The following TASP1 variants were observed in gnomAD, a reference collection of about 807,000 sequenced individuals.
TASP1 encodes the protein threonine aspartase 1.
A neutral mutation model predicts 56.6 loss-of-function variants in TASP1; 16 were observed. The ratio of observed to expected loss-of-function variants is 0.28; its 90% CI spans 0.19 to 0.43. The LOEUF is 0.43. Ranked by LOEUF, TASP1 falls within the 20% of genes least tolerant of loss-of-function variation. The pLI, the probability that TASP1 is intolerant of heterozygous loss-of-function variation, is 1.00. For synonymous variants in TASP1, 179 were observed against 184.2 expected (o/e 0.97, Z 0.23); for missense variants, 393 against 511.6 (o/e 0.77, Z 2.24).
chr20:13,423,052 A>T (rs1402870545), intron 12 of TASP1, among the ~76,000 whole-genome samples: 2 of 152,252 alleles, frequency 1.3e-5, no homozygotes, highest in Admixed American at 6.5e-5. Context: ...TATATATATA[A>T]AATAACATAT....
intron 13 of TASP1, among the ~76,000 whole-genome samples, chr20:13,416,874 C>T (rs6109872): frequency 0.092 from 14,046 of 152,254 alleles, 1,240 homozygotes; most frequent in African/African-American, 0.23. Flanking sequence ...GTGATTATTG[C>T]AACTCACTGA....
the TASP1 span, among the ~76,000 whole-genome samples, chr20:13,342,070 G>C: frequency 6.6e-6 from 1 of 152,208 alleles, no homozygotes; most frequent in Non-Finnish European, 1.5e-5. Context: ...GGTATAGCAG[G>C]CGAGGAACTA....
chr20:13,274,783 C>T, the TASP1 span, among the ~76,000 whole-genome samples: 5 of 152,108 alleles, frequency 3.3e-5, no homozygotes, highest in African/African-American at 1.2e-4. Flanking sequence ...CAGGCAGCCT[C>T]GGTCCCAAGT....
At chr20:13,323,052 G>A in the TASP1 span, among the ~76,000 whole-genome samples, 5 of 152,020 alleles carry the variant, frequency 3.3e-5, no homozygotes, top group African/African-American at 7.2e-5. Flanking sequence ...TGCATACTCT[G>A]GGGGAAGACA....
At chr20:13,392,931 A>T in intron 13 of TASP1, 1 of 622,238 alleles carries the variant, frequency 1.6e-6, no homozygotes, top group Non-Finnish European at 3.0e-6. Flanking sequence ...CCAAAATCAA[A>T]TGGGGCCATG....
At chr20:13,441,524 G>A (rs546549054) in intron 11 of TASP1, among the ~76,000 whole-genome samples, 10 of 152,288 alleles carry the variant, frequency 6.6e-5, no homozygotes, top group Admixed American at 2.6e-4. Context: ...ATAATCTGAG[G>A]AAAGACCATT....
In TASP1 at chr20:13,462,291, T is replaced by A. The variant is rs147764987; in HGVS notation, c.985+20936A>T. 4.5e-3 allele frequency among the ~76,000 whole-genome samples: 690 copies of A among 152,308 alleles called. 3 individuals are homozygous for A. Among genetic ancestry groups the A allele is most frequent in the East Asian group, 0.011 (59 of 5,180 alleles). On this transcript the variant is annotated intron_variant, in intron 11 of 13. Coordinates refer to ENST00000337743, the MANE Select transcript of TASP1 (RefSeq NM_017714.3). ...TAGTCATATGCAGCTATTTAGCATT[T>A]GAAATGTGGCTAGTACAACTGAGAA...
the TASP1 span, among the ~76,000 whole-genome samples, chr20:13,176,297 T>C: frequency 2.7e-4 from 41 of 152,284 alleles, no homozygotes; most frequent in African/African-American, 9.6e-4. Context: ...ATAAGAGTGG[T>C]GAGAGTGGGC....
chr20:13,176,280 G>C, the TASP1 span, among the ~76,000 whole-genome samples: 2 of 152,162 alleles, frequency 1.3e-5, no homozygotes, highest in African/African-American at 4.8e-5. Context: ...TTCCAGAACT[G>C]TGTTGAATAA....
At chr20:13,547,930 C>A (rs1397882551) in intron 8 of TASP1, among the ~76,000 whole-genome samples, 7 of 152,040 alleles carry the variant, frequency 4.6e-5, no homozygotes, top group African/African-American at 1.7e-4. Flanking sequence ...AAGATAAAGA[C>A]ATCAAATAAC....
intron 12 of TASP1, among the ~76,000 whole-genome samples, chr20:13,427,973 G>A (rs765966721): frequency 9.9e-5 from 15 of 152,100 alleles, no homozygotes; most frequent in Admixed American, 3.9e-4. Context: ...TGTGCTCATC[G>A]CATAATCAGG....
chr20:13,475,220 A>G (rs1173264843), intron 11 of TASP1, among the ~76,000 whole-genome samples: 1 of 152,134 alleles, frequency 6.6e-6, no homozygotes, highest in African/African-American at 2.4e-5. Context: ...TGATTTTGCT[A>G]AGATATCTTA....
intron 2 of TASP1, among the ~76,000 whole-genome samples, chr20:13,629,605 A>G (rs960175257): frequency 1.3e-5 from 2 of 151,896 alleles, no homozygotes; most frequent in African/African-American, 2.4e-5. Flanking sequence ...CCACAGCAAC[A>G]TTATTTTTAA....
chr20:13,114,639 T>G, the TASP1 span, among the ~76,000 whole-genome samples: 1 of 152,356 alleles, frequency 6.6e-6, no homozygotes, highest in East Asian at 1.9e-4. Flanking sequence ...AGTGGTAAAC[T>G]GTCACCTGTA....
chr20:13,158,632 A>G, the TASP1 span, among the ~76,000 whole-genome samples: 1 of 152,188 alleles, frequency 6.6e-6, no homozygotes, highest in Non-Finnish European at 1.5e-5. Context: ...GAGAAAGAAC[A>G]GCCTCTGTTT....
At chr20:13,354,064 GA>G in the TASP1 span, among the ~76,000 whole-genome samples, 56 of 152,076 alleles carry the variant, frequency 3.7e-4, 1 homozygote, top group Admixed American at 1.2e-3. Context: ...AAGGTAATAA[GA>G]AAAAAACTCA....
At chr20:13,127,153 T>C in the TASP1 span, among the ~76,000 whole-genome samples, 29 of 152,222 alleles carry the variant, frequency 1.9e-4, no homozygotes, top group African/African-American at 7.0e-4. Flanking sequence ...CCACTGGCCA[T>C]TGAGGATATA....
chr20:13,157,841 G>A, the TASP1 span, among the ~76,000 whole-genome samples: 3,129 of 152,216 alleles, frequency 0.021, 53 homozygotes, highest in Non-Finnish European at 0.031. Flanking sequence ...GAAATAGGGC[G>A]TTAATTGTAT....
At chr20:13,619,106 C>T (rs1383236230) in intron 4 of TASP1, among the ~76,000 whole-genome samples, 1 of 152,128 alleles carries the variant, frequency 6.6e-6, no homozygotes, top group Non-Finnish European at 1.5e-5. Context: ...AACTCCTGAC[C>T]TCATGATCCA....
Sources: allele counts gnomAD v4.1 joint callset (sites outside exome capture counted in the v4.1 genomes callset), GRCh38; gene constraint gnomAD v4.1.1; transcripts MANE v1.5; gene names NCBI Gene and HGNC (gene_info 2026-07-23, HGNC 2026-07-21).